Variants in SLCO6A1 observed in about 807,000 individuals in gnomAD.
The protein encoded by SLCO6A1 is cancer/testis antigen 48.
Under a neutral mutation model 72.7 loss-of-function variants are expected in SLCO6A1, and 65 were observed. The ratio of observed to expected loss-of-function variants is 0.89; its 90% CI spans 0.73 to 1.10. SLCO6A1 has a LOEUF of 1.10. Among genes scored for constraint, SLCO6A1 ranks in the 50% least tolerant of loss-of-function variants. The pLI is 0.00. For synonymous variants in SLCO6A1, 314 were observed against 298.2 expected, an observed-to-expected ratio of 1.05 and a Z score of -0.55; for missense variants, 874 against 872.6, an observed-to-expected ratio of 1.00 and a Z score of -0.02.
At chr5:102,418,131 C>T (rs1030824350) in intron 8 of SLCO6A1, among the ~76,000 whole-genome samples, 3 of 151,496 alleles carry the variant, frequency 2.0e-5, no homozygotes, top group African/African-American at 7.3e-5. Flanking sequence ...GTCTTCTTAC[C>T]TGCATTTGTT....
intron 7 of SLCO6A1, among the ~76,000 whole-genome samples, chr5:102,427,956 C>T (rs527675028): frequency 6.8e-6 from 1 of 145,994 alleles, no homozygotes; most frequent in East Asian, 2.1e-4. Flanking sequence ...GTAACCTCTG[C>T]CTCCTGGGTT....
chr5:102,374,953 T>G (rs540151052), intron 12 of SLCO6A1, among the ~76,000 whole-genome samples: 3 of 152,100 alleles, frequency 2.0e-5, no homozygotes, highest in Non-Finnish European at 4.4e-5. Context: ...GAGAAAGAGA[T>G]AGATTAATAT....
intron 1 of SLCO6A1, among the ~76,000 whole-genome samples, chr5:102,497,548 G>T (rs760160838): frequency 4.6e-5 from 7 of 152,190 alleles, no homozygotes; most frequent in Non-Finnish European, 8.8e-5. Context: ...TCTGGAGGAG[G>T]TGAGGCACCC....
chr5:102,464,714 C>T (rs1265302377), intron 4 of SLCO6A1, among the ~76,000 whole-genome samples: 2 of 152,082 alleles, frequency 1.3e-5, no homozygotes, highest in Admixed American at 6.6e-5. Flanking sequence ...ATTAAAGAGA[C>T]ACCACCAAGC....
chr5:102,426,010 C>T (rs1180469671), intron 7 of SLCO6A1, among the ~76,000 whole-genome samples: 1 of 152,126 alleles, frequency 6.6e-6, no homozygotes, highest in Non-Finnish European at 1.5e-5. Flanking sequence ...CAAAAACAAG[C>T]AATGCGGAAA....
chr5:102,447,784 C>A (rs1750197257), intron 6 of SLCO6A1, among the ~76,000 whole-genome samples: 1 of 151,762 alleles, frequency 6.6e-6, no homozygotes. Context: ...ATTTGTCTAC[C>A]TAGTGGTCTA....
At chr5:102,380,517 G>T (rs1384318771) in intron 12 of SLCO6A1, among the ~76,000 whole-genome samples, 1 of 151,976 alleles carries the variant, frequency 6.6e-6, no homozygotes, top group East Asian at 1.9e-4. Context: ...AAAAATATGT[G>T]TGCCAAATTT....
intron 1 of SLCO6A1, among the ~76,000 whole-genome samples, chr5:102,490,348 C>T (rs1752616324): frequency 6.6e-6 from 1 of 152,202 alleles, no homozygotes; most frequent in Non-Finnish European, 1.5e-5. Flanking sequence ...TGAAATACTA[C>T]ATTTTATCCC....
At chr5:102,400,079 A>G (rs937037281) in intron 9 of SLCO6A1, among the ~76,000 whole-genome samples, 4 of 152,022 alleles carry the variant, frequency 2.6e-5, no homozygotes, top group Non-Finnish European at 5.9e-5. Flanking sequence ...AATTAAAAAT[A>G]ATGTAACAAA....
intron 1 of SLCO6A1, among the ~76,000 whole-genome samples, chr5:102,486,507 C>T (rs1391920986): frequency 6.6e-6 from 1 of 151,788 alleles, no homozygotes; most frequent in African/African-American, 2.4e-5. Flanking sequence ...AGTTCAAAAT[C>T]ATAAATCAAC....
intron 6 of SLCO6A1, among the ~76,000 whole-genome samples, chr5:102,455,027 T>TATACACATAA (rs144619414): frequency 7.1e-6 from 1 of 141,830 alleles, no homozygotes; most frequent in Non-Finnish European, 1.5e-5. Context: ...TATATATATA[T>TATACACATAA]AAATTATGTT....
rs774754043 is a variant in SLCO6A1 at position 102,438,719 on chromosome 5, T to C, written c.1174A>G (p.Lys392Glu). The change falls in exon 7 of 14, where the codon AAA (lysine) becomes GAA (glutamate). Residue 392 changes from lysine (K) to glutamate (E), a missense_variant. Transcript: ENST00000506729. ...NPVLICLALS[K>E]ATEYLVIIGA... ...ATAATAACTAAATATTCTGTAGCTT[T>C]TGACAGAGCTAGGCATATGAGCACT... is the stretch of plus-strand genomic sequence containing the variant. The C allele has an allele frequency of 6.3e-7, 1 of 1,591,172 alleles. No individual in the cohort carries two copies. Among genetic ancestry groups the C allele is most frequent in the Non-Finnish European group, 8.5e-7 (1 of 1,170,546 alleles).
chr5:102,432,172 G>A (rs965536138), intron 7 of SLCO6A1, among the ~76,000 whole-genome samples: 2 of 151,978 alleles, frequency 1.3e-5, no homozygotes, highest in East Asian at 1.9e-4. Context: ...CATATCATTC[G>A]GTCTTGCTTT....
intron 7 of SLCO6A1, among the ~76,000 whole-genome samples, chr5:102,427,229 T>C (rs993926735): frequency 6.6e-6 from 1 of 151,458 alleles, no homozygotes; most frequent in African/African-American, 2.4e-5. Context: ...TATAAGCAAA[T>C]TGATAAAGTA....
intron 4 of SLCO6A1, among the ~76,000 whole-genome samples, chr5:102,460,574 A>G (rs1403421967): frequency 6.6e-6 from 1 of 151,932 alleles, no homozygotes; most frequent in Non-Finnish European, 1.5e-5. Context: ...TAAGGAGGAG[A>G]TTAGGGGAGG....
chr5:102,374,788 T>C (rs1305864719), intron 12 of SLCO6A1, among the ~76,000 whole-genome samples: 1 of 152,206 alleles, frequency 6.6e-6, no homozygotes, highest in Non-Finnish European at 1.5e-5. Flanking sequence ...CTTTAGGGTA[T>C]AGCTTGTGAA....
Position 102,410,842 on chromosome 5 carries a change from C to G in SLCO6A1, c.1626+2148G>C, listed in dbSNP as rs1339080868. On this transcript the variant is annotated intron_variant, in intron 9 of 13. Coordinates refer to ENST00000506729, the MANE Select transcript of SLCO6A1 (RefSeq NM_173488.5). ...AACCTCTAACTAAGTCTCTCACTTTCCTGGATGTACTAACAAAAGCATACA... is the reference window on the plus strand; with the variant it reads ...AACCTCTAACTAAGTCTCTCACTTTGCTGGATGTACTAACAAAAGCATACA... Among the ~76,000 whole-genome samples, 4 of 152,228 alleles carry G rather than the reference C, an allele frequency of 2.6e-5. No individual in the cohort carries two copies. In the East Asian group the frequency reaches 7.7e-4, roughly 29 times the overall value.
intron 7 of SLCO6A1, among the ~76,000 whole-genome samples, chr5:102,427,685 G>GA (rs1423335508): frequency 6.6e-6 from 1 of 151,120 alleles, no homozygotes; most frequent in Non-Finnish European, 1.5e-5. Flanking sequence ...GGTAAAAATT[G>GA]AAAAAAATCT....
chr5:102,444,963 A>G (rs530386594), intron 6 of SLCO6A1, among the ~76,000 whole-genome samples: 25 of 152,220 alleles, frequency 1.6e-4, no homozygotes, highest in African/African-American at 5.8e-4. Context: ...TTCTTTATCC[A>G]TTTCACCACT....
Sources: gnomAD v4.1 joint callset for allele counts (sites outside exome capture counted in the v4.1 genomes callset) on GRCh38, gnomAD v4.1.1 for gene constraint, MANE v1.5 for transcripts, NCBI Gene and HGNC (gene_info 2026-07-23, HGNC 2026-07-21) for gene names.